Variants in PAN3 observed in about 807,000 individuals in gnomAD.
PAN3 encodes the protein PAN2-PAN3 deadenylation complex subunit PAN3.
A neutral mutation model predicts 96.2 loss-of-function variants in PAN3; 19 were observed. The observed-to-expected ratio is 0.20, with a 90% CI of 0.14 to 0.29. The LOEUF is 0.29. Among genes scored for constraint, PAN3 ranks in the 10% least tolerant of loss-of-function variants. The probability of loss-of-function intolerance (pLI) is 1.00; values close to 1 mark genes in which losing one functional copy is unlikely to be tolerated. For missense variants in PAN3, 882 were observed against 1,108.1 expected, an observed-to-expected ratio of 0.80 and a Z score of 2.90; for synonymous variants, 433 against 406.6, an observed-to-expected ratio of 1.06 and a Z score of -0.78.
chr13:28,165,523 A>G (rs913205643), intron 1 of PAN3, among the ~76,000 whole-genome samples: 4 of 152,178 alleles, frequency 2.6e-5, no homozygotes, highest in Admixed American at 1.3e-4. Context: ...TGGGCAAGCT[A>G]TAATCTCTGA....
intron 17 of PAN3, 37 bp downstream of exon 17, chr13:28,281,416 C>T (rs371391175): frequency 1.1e-5 from 17 of 1,527,210 alleles, no homozygotes; most frequent in Middle Eastern, 3.4e-4. Context: ...TATTTTTAAT[C>T]GAGAGCACTA....
intron 14 of PAN3, among the ~76,000 whole-genome samples, chr13:28,276,231 T>C (rs1887049286): frequency 2.0e-5 from 3 of 152,228 alleles, no homozygotes. Context: ...CAAGTGATGG[T>C]AATATACAGC....
chr13:28,198,655 T>C (rs9582016), intron 5 of PAN3, among the ~76,000 whole-genome samples: 15,344 of 152,258 alleles, frequency 0.1, 999 homozygotes, highest in African/African-American at 0.19. Context: ...TATTCTGTAA[T>C]ATTGTTTTAT....
At chr13:28,269,278 A>C (rs1277158321) in intron 12 of PAN3, among the ~76,000 whole-genome samples, 1 of 152,064 alleles carries the variant, frequency 6.6e-6, no homozygotes, top group Non-Finnish European at 1.5e-5. Flanking sequence ...GTAATTTTTT[A>C]ATCATAATTA....
intron 4 of PAN3, among the ~76,000 whole-genome samples, chr13:28,195,294 T>A (rs1248039340): frequency 6.6e-6 from 1 of 151,952 alleles, no homozygotes; most frequent in Non-Finnish European, 1.5e-5. Context: ...TCCCAGCTAC[T>A]TGGGAGGCTG....
intron 6 of PAN3, among the ~76,000 whole-genome samples, chr13:28,249,223 G>A (rs977528594): frequency 1.3e-5 from 2 of 152,134 alleles, no homozygotes; most frequent in African/African-American, 4.8e-5. Flanking sequence ...GCCATTGCTC[G>A]ACTAAAAGTC....
intron 1 of PAN3, among the ~76,000 whole-genome samples, chr13:28,154,957 A>G (rs919175175): frequency 6.6e-6 from 1 of 151,008 alleles, no homozygotes; most frequent in Non-Finnish European, 1.5e-5. Flanking sequence ...AGTAGCTGGG[A>G]GTACAGTCGC....
rs1392094784 is a variant in PAN3, at chr13:28,281,164, G to GT, written c.2320-148dup. On this transcript the variant is annotated intron_variant, in intron 16 of 18. Transcript: ENST00000380958. Reference sequence around the variant, plus strand: ...TTATGAAATGAAATGGACATATTGTGTTTGTTTAAAAGTATAACCAAAAGG... The same window carrying GT: ...TTATGAAATGAAATGGACATATTGTGTTTTGTTTAAAAGTATAACCAAAAGG... The GT allele has an allele frequency of 2.9e-5, 19 of 656,496 alleles. No individual in the cohort carries two copies. The African/African-American group carries it at 3.0e-4, about 10-fold the overall frequency. The allele number at this position is 656,496 out of a possible 1,614,324, so 40.7% of individuals were successfully genotyped here.
At chr13:28,151,835 T>A (rs879307379) in intron 1 of PAN3, among the ~76,000 whole-genome samples, 6 of 152,142 alleles carry the variant, frequency 3.9e-5, no homozygotes, top group Non-Finnish European at 7.3e-5. Flanking sequence ...TTTGAACATG[T>A]TACTTTGAGA....
chr13:28,155,621 A>G (rs1872040630), intron 1 of PAN3, among the ~76,000 whole-genome samples: 1 of 152,110 alleles, frequency 6.6e-6, no homozygotes, highest in Non-Finnish European at 1.5e-5. Context: ...ACAAAGATGT[A>G]TCGGACATGG....
intron 6 of PAN3, among the ~76,000 whole-genome samples, chr13:28,254,767 G>A (rs750533383): frequency 3.3e-5 from 5 of 151,918 alleles, no homozygotes; most frequent in African/African-American, 4.8e-5. Flanking sequence ...GACATAACTC[G>A]AGAATTCCTA....
At chr13:28,229,808 C>T (rs781242088) in intron 6 of PAN3, among the ~76,000 whole-genome samples, 11 of 152,200 alleles carry the variant, frequency 7.2e-5, no homozygotes, top group Non-Finnish European at 1.6e-4. Context: ...TAAACTCCAG[C>T]ATTTGCGTGG....
chr13:28,270,888 G>C (rs779927270), intron 13 of PAN3, 22 bp downstream of exon 13: 1 of 1,607,190 alleles, frequency 6.2e-7, no homozygotes, highest in Non-Finnish European at 8.5e-7. Context: ...TTGAGTTTTG[G>C]TTTCTTTTAT....
chr13:28,241,397 CA>C (rs1053338007), intron 6 of PAN3, among the ~76,000 whole-genome samples: 30 of 152,180 alleles, frequency 2.0e-4, no homozygotes, highest in African/African-American at 6.8e-4. Context: ...CTGTGACATT[CA>C]AACTTTAATT....
chr13:28,212,951 C>G (rs1401671957), intron 5 of PAN3, among the ~76,000 whole-genome samples: 1 of 152,074 alleles, frequency 6.6e-6, no homozygotes, highest in East Asian at 1.9e-4. Context: ...CCCACAGACT[C>G]AAGGTGTCCA....
At chr13:28,170,767 CATAAG>C (rs146242209) in intron 1 of PAN3, among the ~76,000 whole-genome samples, 2,923 of 152,082 alleles carry the variant, frequency 0.019, 106 homozygotes, top group African/African-American at 0.067. Context: ...TAAAGAAAGT[CATAAG>C]ATAAATGACG....
At chr13:28,149,817 G>T (rs564122429) in intron 1 of PAN3, among the ~76,000 whole-genome samples, 3 of 152,198 alleles carry the variant, frequency 2.0e-5, no homozygotes, top group African/African-American at 7.2e-5. Flanking sequence ...GGGTCTTGCT[G>T]TGTTGCCCAG....
chr13:28,260,421 C>T, intron 7 of PAN3, 26 bp from the exon 8 acceptor site: 1 of 1,519,522 alleles, frequency 6.6e-7, no homozygotes, highest in Middle Eastern at 1.7e-4. Flanking sequence ...TGAGTGATTA[C>T]ATTTACCCCC....
intron 6 of PAN3, among the ~76,000 whole-genome samples, chr13:28,225,307 G>A (rs1278408100): frequency 6.6e-6 from 1 of 152,150 alleles, no homozygotes; most frequent in Non-Finnish European, 1.5e-5. Flanking sequence ...ACTAAAAATA[G>A]TTATTTACTC....
Sources: gnomAD v4.1 joint callset for allele counts (sites outside exome capture counted in the v4.1 genomes callset) on GRCh38, gnomAD v4.1.1 for gene constraint, MANE v1.5 for transcripts, NCBI Gene and HGNC (gene_info 2026-07-23, HGNC 2026-07-21) for gene names.